LNPEP: variants seen among roughly 807,000 people sequenced by gnomAD.
LNPEP encodes the protein leucyl-cystinyl aminopeptidase.
A neutral mutation model predicts 120.6 loss-of-function variants in LNPEP; 64 were observed. That is an observed-to-expected ratio of 0.53 (90% confidence interval 0.43 to 0.65). LNPEP has a LOEUF of 0.65. Ranked by LOEUF, LNPEP falls within the 30% of genes least tolerant of loss-of-function variation. The pLI, the probability that LNPEP is intolerant of heterozygous loss-of-function variation, is 0.00. For synonymous variants in LNPEP, 435 were observed against 425.4 expected (o/e 1.02, Z -0.28); for missense variants, 1,057 against 1,200.0 (o/e 0.88, Z 1.76).
intron 15 of LNPEP, among the ~76,000 whole-genome samples, chr5:97,025,922 C>T (rs27296): frequency 0.55 from 84,146 of 151,904 alleles, 23,391 homozygotes; most frequent in East Asian, 0.62. Context: ...TTTTTTCTCT[C>T]CTAAAAATAC....
chr5:96,947,937 T>C (rs1261479626), intron 1 of LNPEP, among the ~76,000 whole-genome samples: 1 of 152,138 alleles, frequency 6.6e-6, no homozygotes, highest in Non-Finnish European at 1.5e-5. Context: ...TCTTTTTGAA[T>C]TTTTTCCTTT....
At chr5:97,011,231 T>A (rs1297241024) in intron 11 of LNPEP, 4 of 976,910 alleles carry the variant, frequency 4.1e-6, no homozygotes, top group Non-Finnish European at 4.9e-6. Flanking sequence ...TTTCTTTACG[T>A]TTGTTTTTAT....
chr5:96,973,975 A>G (rs1789933855), intron 1 of LNPEP, among the ~76,000 whole-genome samples: 1 of 152,056 alleles, frequency 6.6e-6, no homozygotes, highest in Admixed American at 6.6e-5. Context: ...TCCTCCCTAT[A>G]TGTTTAACCC....
chr5:97,013,447 A>G (rs1039972471), intron 11 of LNPEP, among the ~76,000 whole-genome samples: 1 of 152,220 alleles, frequency 6.6e-6, no homozygotes, highest in African/African-American at 2.4e-5. Context: ...CTTACAGCCA[A>G]TATTGCACAG....
chr5:96,967,360 G>A (rs529607557), intron 1 of LNPEP, among the ~76,000 whole-genome samples: 2 of 151,956 alleles, frequency 1.3e-5, no homozygotes, highest in South Asian at 4.2e-4. Flanking sequence ...GTCCAGAGTG[G>A]TCTTAAACTC....
chr5:96,994,003 C>T, intron 6 of LNPEP, 32 bp downstream of exon 6: 1 of 1,597,448 alleles, frequency 6.3e-7, no homozygotes, highest in African/African-American at 1.3e-5. Context: ...CTGTGTCACA[C>T]CTGTGGTCTA....
chr5:97,015,294 T>C (rs1171005938), intron 13 of LNPEP, among the ~76,000 whole-genome samples, 199 bp downstream of exon 13: 2 of 152,154 alleles, frequency 1.3e-5, no homozygotes, highest in African/African-American at 4.8e-5. Flanking sequence ...GATATGGTCT[T>C]GTTTGAATAT....
intron 1 of LNPEP, among the ~76,000 whole-genome samples, chr5:96,944,542 T>TC (rs1789137307): frequency 6.7e-6 from 1 of 149,658 alleles, no homozygotes. Context: ...ATTTTCTTTT[T>TC]TGTTTTTCTT....
At chr5:96,993,554 A>G (rs1468969855) in intron 5 of LNPEP, among the ~76,000 whole-genome samples, 1 of 152,120 alleles carries the variant, frequency 6.6e-6, no homozygotes, top group Non-Finnish European at 1.5e-5. Context: ...TTGCTCTGGG[A>G]AGCTGATTGA....
At chr5:96,940,802 A>G (rs945432529) in intron 1 of LNPEP, among the ~76,000 whole-genome samples, 1 of 152,210 alleles carries the variant, frequency 6.6e-6, no homozygotes, top group African/African-American at 2.4e-5. Context: ...AGGTGAGGTC[A>G]GTGCAGCTAT....
intron 1 of LNPEP, among the ~76,000 whole-genome samples, chr5:96,961,233 G>A (rs1225642284): frequency 6.6e-6 from 1 of 152,132 alleles, no homozygotes; most frequent in Non-Finnish European, 1.5e-5. Flanking sequence ...TTCTGAGGTT[G>A]CTTAACCATT....
chr5:97,017,438 CTT>C (rs561470495), intron 13 of LNPEP, among the ~76,000 whole-genome samples: 4 of 151,866 alleles, frequency 2.6e-5, no homozygotes, highest in African/African-American at 4.8e-5. Flanking sequence ...TTTTTACTCT[CTT>C]AATGATTTTT....
intron 1 of LNPEP, among the ~76,000 whole-genome samples, chr5:96,976,262 T>C (rs988609118): frequency 4.6e-5 from 7 of 152,178 alleles, no homozygotes; most frequent in African/African-American, 1.7e-4. Context: ...AAAACTGTGC[T>C]TCTATATTGC....
At chr5:97,008,696 G>A (rs1207994212) in intron 11 of LNPEP, among the ~76,000 whole-genome samples, 4 of 118,962 alleles carry the variant, frequency 3.4e-5, no homozygotes, top group Non-Finnish European at 6.5e-5. Context: ...ACAGAGTCTC[G>A]CTCTGTTGCC....
intron 2 of LNPEP, 33 bp from the exon 3 acceptor site, chr5:96,985,046 AG>A (rs773821778): frequency 1.9e-6 from 3 of 1,611,942 alleles, no homozygotes; most frequent in Non-Finnish European, 2.5e-6. Context: ...GTAGGTGCTC[AG>A]TAACTACTGG....
chr5:97,009,610 A>G (rs2112652237), intron 11 of LNPEP, among the ~76,000 whole-genome samples: 1 of 152,344 alleles, frequency 6.6e-6, no homozygotes, highest in East Asian at 1.9e-4. Context: ...GATTTAATCT[A>G]GAGCTGGAAC....
Position 97,013,686 on chromosome 5 carries a change from G to C in LNPEP, c.2074G>C (p.Val692Leu), listed in dbSNP as rs772405762. ...NLTEEVLWVK[V>L]NINMNGYYIV... is the part of the protein sequence containing the mutation. The stretch of plus-strand genomic sequence containing the variant: ...TACAGAAGAAGTGCTGTGGGTCAAA[G>C]TGAATATAAACATGAATGGTTATTA... Residue 692 changes from valine to leucine, a missense_variant, in exon 12 of 18, where the codon GTG becomes CTG. Val to Leu is a conservative substitution (Grantham distance 32). Transcript: ENST00000231368. 1 of 1,579,494 alleles carries C rather than the reference G, an allele frequency of 6.3e-7. No homozygotes were observed. Among genetic ancestry groups the C allele is most frequent in the South Asian group, 1.2e-5 (1 of 83,490 alleles).
At chr5:96,955,457 A>G (rs1789443958) in intron 1 of LNPEP, among the ~76,000 whole-genome samples, 1 of 152,152 alleles carries the variant, frequency 6.6e-6, no homozygotes, top group Non-Finnish European at 1.5e-5. Context: ...TCTACTAAAA[A>G]TACAAAAATT....
intron 11 of LNPEP, among the ~76,000 whole-genome samples, chr5:97,012,267 TA>T: frequency 6.6e-6 from 1 of 152,258 alleles, no homozygotes; most frequent in South Asian, 2.1e-4. Context: ...TATAAAATAT[TA>T]AAAACAAGTA....
Sources: allele counts gnomAD v4.1 joint callset (sites outside exome capture counted in the v4.1 genomes callset), GRCh38; gene constraint gnomAD v4.1.1; transcripts MANE v1.5; gene names NCBI Gene and HGNC (gene_info 2026-07-23, HGNC 2026-07-21).